Variants in CLEC16A observed in about 807,000 individuals in gnomAD.
The protein encoded by CLEC16A is protein CLEC16A.
In CLEC16A, 51 loss-of-function variants were observed where a neutral mutation model predicts 109.5. The observed-to-expected ratio is 0.47, with a 90% confidence interval of 0.37 to 0.59. The LOEUF (loss-of-function observed/expected upper bound fraction) is 0.59. Among genes scored for constraint, CLEC16A ranks in the 20% least tolerant of loss-of-function variants. The pLI is 0.00. For synonymous variants in CLEC16A, 673 were observed against 564.2 expected, an observed-to-expected ratio of 1.19 and a Z score of -2.73; for missense variants, 1,339 against 1,394.0, an observed-to-expected ratio of 0.96 and a Z score of 0.63.
chr16:11,010,996 G>A (rs543878786), intron 11 of CLEC16A, among the ~76,000 whole-genome samples: 154 of 152,326 alleles, frequency 1.0e-3, no homozygotes, highest in African/African-American at 3.5e-3. Context: ...ACTTCTCAGG[G>A]TGTCACATCT....
Position 10,982,992 on chromosome 16 carries a change from G to C in CLEC16A, c.1071+1G>C, listed in dbSNP as rs564535047. ...TGAACAGGATATTCAGAGAAGTTCT[G>C]TAAGTCATTAGCTTCGGGACTGACC... On this transcript the variant is annotated splice_donor_variant, in intron 10 of 23. Coordinates refer to ENST00000409790, the MANE Select transcript of CLEC16A (RefSeq NM_015226.3). LOFTEE classifies it high-confidence loss of function. The C allele has an allele frequency of 6.5e-7, 1 of 1,543,336 alleles. No homozygotes were observed. Among genetic ancestry groups the C allele is most frequent in the African/African-American group, 1.4e-5 (1 of 73,530 alleles).
chr16:11,129,100 T>G (rs1386169539), intron 22 of CLEC16A, among the ~76,000 whole-genome samples: 1 of 152,044 alleles, frequency 6.6e-6, no homozygotes, highest in Non-Finnish European at 1.5e-5. Context: ...AACCCCAGCC[T>G]TGCCAGCCCC....
At chr16:11,055,991 A>C (rs1160823004) in intron 18 of CLEC16A, among the ~76,000 whole-genome samples, 1 of 152,190 alleles carries the variant, frequency 6.6e-6, no homozygotes, top group Admixed American at 6.5e-5. Flanking sequence ...GACAAGAATG[A>C]TGAGCAAATA....
intron 1 of CLEC16A, among the ~76,000 whole-genome samples, chr16:10,956,467 C>A (rs941079632): frequency 8.5e-5 from 13 of 152,140 alleles, no homozygotes; most frequent in African/African-American, 3.1e-4. Flanking sequence ...TAAAAGAAAT[C>A]AGGAGAGGAG....
Position 10,982,983 on chromosome 16 carries a change from A to T in CLEC16A, c.1063A>T (p.Arg355Ter), listed in dbSNP as rs1299542450. 1 of 1,587,948 alleles carries T rather than the reference A, an allele frequency of 6.3e-7. No individual in the cohort carries two copies. The highest frequency in any genetic ancestry group is 8.6e-7 in the Non-Finnish European group (1 of 1,156,524). Residue 355 changes from arginine (R) to a stop codon, truncating the protein, a stop_gained, in exon 10 of 24, where the codon AGA (arginine) becomes TGA (stop). Transcript: ENST00000409790. LOFTEE classifies it high-confidence loss of function. ...CGCTAAGACTGAACAGGATATTCAGAGAAGTTCTGTAAGTCATTAGCTTCG... is the reference window on the plus strand; with the variant it reads ...CGCTAAGACTGAACAGGATATTCAGTGAAGTTCTGTAAGTCATTAGCTTCG... ...MYAKTEQDIQRSSAKPSIRCF... is the reference protein window; with the variant it reads ...MYAKTEQDIQ
intron 3 of CLEC16A, among the ~76,000 whole-genome samples, chr16:10,962,898 A>G (rs561771544): frequency 1.0e-3 from 156 of 152,218 alleles, no homozygotes; most frequent in African/African-American, 3.5e-3. Flanking sequence ...TCTCTACAAA[A>G]AACCACAAAA....
intron 1 of CLEC16A, 106 bp from the exon 2 acceptor site, chr16:10,957,676 T>A: frequency 3.4e-6 from 4 of 1,179,780 alleles, no homozygotes; most frequent in Non-Finnish European, 5.0e-6. Context: ...TACCCAAACC[T>A]GAAAAAGCAT....
At chr16:11,176,789 C>G (rs1221845733) in intron 23 of CLEC16A, among the ~76,000 whole-genome samples, 1 of 152,112 alleles carries the variant, frequency 6.6e-6, no homozygotes, top group Admixed American at 6.5e-5. Flanking sequence ...TTCATCTTGC[C>G]CAGAGTCTTG....
intron 19 of CLEC16A, among the ~76,000 whole-genome samples, chr16:11,061,922 A>G (rs188318256): frequency 5.3e-5 from 8 of 152,280 alleles, no homozygotes; most frequent in Non-Finnish European, 1.0e-4. Context: ...CTCACCAGGT[A>G]GTGGCAAGAT....
At chr16:11,008,289 T>C (rs746204343) in intron 11 of CLEC16A, among the ~76,000 whole-genome samples, 1 of 152,066 alleles carries the variant, frequency 6.6e-6, no homozygotes, top group Non-Finnish European at 1.5e-5. Context: ...ACTGAGAAAA[T>C]CCTTGAATTT....
At chr16:10,993,538 A>G (rs973388111) in intron 10 of CLEC16A, among the ~76,000 whole-genome samples, 2 of 152,290 alleles carry the variant, frequency 1.3e-5, no homozygotes, top group Non-Finnish European at 1.5e-5. Flanking sequence ...ACTAGCCCCA[A>G]ATCTCACACT....
chr16:11,008,699 A>G (rs1013495636), intron 11 of CLEC16A, among the ~76,000 whole-genome samples: 2 of 151,812 alleles, frequency 1.3e-5, no homozygotes, highest in Non-Finnish European at 2.9e-5. Context: ...CAGTAGTGTT[A>G]AGTACATTCG....
intron 1 of CLEC16A, among the ~76,000 whole-genome samples, chr16:10,951,623 G>T (rs1374418591): frequency 6.6e-6 from 1 of 152,220 alleles, no homozygotes; most frequent in South Asian, 2.1e-4. Context: ...TTGTTTCTGG[G>T]ATTAAACGAA....
chr16:10,967,195 C>G (rs949922789), intron 3 of CLEC16A, among the ~76,000 whole-genome samples: 3 of 152,188 alleles, frequency 2.0e-5, no homozygotes, highest in Non-Finnish European at 4.4e-5. Context: ...GAGGACCACG[C>G]CACAGGCCCA....
At chr16:11,138,668 G>A (rs1267378053) in intron 22 of CLEC16A, among the ~76,000 whole-genome samples, 1 of 152,192 alleles carries the variant, frequency 6.6e-6, no homozygotes, top group African/African-American at 2.4e-5. Flanking sequence ...CCACTTACTT[G>A]TACTATAGGA....
chr16:11,156,996 A>T (rs1197855803), intron 22 of CLEC16A: 2 of 1,159,182 alleles, frequency 1.7e-6, no homozygotes, highest in Non-Finnish European at 2.3e-6. Context: ...CCTTCACCCG[A>T]CAGCAAAAAC....
intron 12 of CLEC16A, among the ~76,000 whole-genome samples, 153 bp downstream of exon 12, chr16:11,020,478 C>G (rs1244923937): frequency 2.6e-5 from 4 of 152,256 alleles, no homozygotes; most frequent in Admixed American, 1.3e-4. Context: ...TCTGGCCACC[C>G]AGAAGCATGG....
intron 11 of CLEC16A, among the ~76,000 whole-genome samples, chr16:11,005,582 C>T (rs546567765): frequency 1.3e-5 from 2 of 152,188 alleles, no homozygotes; most frequent in Non-Finnish European, 2.9e-5. Context: ...TAAATACATA[C>T]AACTTTCATA....
Position 11,020,305 on chromosome 16 carries a change from T to A in CLEC16A, c.1416T>A (p.Ser472=). Reference sequence around the variant, plus strand: ...AGAAAAGCGCCGCCGCCACCTGCTCTGAGAGCACGCAATGGAGCAGGTAGC... The same window carrying A: ...AGAAAAGCGCCGCCGCCACCTGCTCAGAGAGCACGCAATGGAGCAGGTAGC... ...DEEKSAAATC[S]ESTQWSRPFL... is the part of the protein sequence containing the mutation. Residue 472 remains serine, a synonymous_variant, in exon 12 of 24, where the codon TCT becomes TCA. Transcript: ENST00000409790. 6.2e-7 allele frequency: 1 copy of A among 1,612,308 alleles called. No individual in the cohort carries two copies. Among genetic ancestry groups the A allele is most frequent in the Non-Finnish European group, 8.5e-7 (1 of 1,179,150 alleles).
Sources: allele counts gnomAD v4.1 joint callset (sites outside exome capture counted in the v4.1 genomes callset), GRCh38; gene constraint gnomAD v4.1.1; transcripts MANE v1.5; gene names NCBI Gene and HGNC (gene_info 2026-07-23, HGNC 2026-07-21).